The following FBXL13 variants were observed in gnomAD, a reference collection of about 807,000 sequenced individuals.
FBXL13 encodes the protein F-box and leucine-rich repeat protein 13.
A neutral mutation model predicts 83.6 loss-of-function variants in FBXL13; 67 were observed. The observed-to-expected ratio is 0.80, with a 90% CI of 0.66 to 0.98. The LOEUF is 0.98. Among genes scored for constraint, FBXL13 ranks in the 50% least tolerant of loss-of-function variants. The pLI, the probability that FBXL13 is intolerant of heterozygous loss-of-function variation, is 0.00. For synonymous variants in FBXL13, 272 were observed against 299.5 expected, an observed-to-expected ratio of 0.91 and a Z score of 0.95; for missense variants, 822 against 866.5, an observed-to-expected ratio of 0.95 and a Z score of 0.64.
chr7:102,913,149 C>A (rs376094112), exon 11 of FBXL13: 1 of 1,614,050 alleles, frequency 6.2e-7, no homozygotes, highest in Non-Finnish European at 8.5e-7. Flanking sequence ...AGTTCAGGTA[C>A]TGTAAGCCTT....
intron 6 of FBXL13, among the ~76,000 whole-genome samples, chr7:103,016,427 T>C (rs1792328427): frequency 6.6e-6 from 1 of 151,686 alleles, no homozygotes; most frequent in Non-Finnish European, 1.5e-5. Flanking sequence ...CCAACTGAGG[T>C]ACTGGGTTCA....
intron 6 of FBXL13, among the ~76,000 whole-genome samples, chr7:103,013,544 T>C (rs1791891562): frequency 6.6e-6 from 1 of 152,128 alleles, no homozygotes; most frequent in African/African-American, 2.4e-5. Flanking sequence ...TCTGGATAAA[T>C]AATGAAATTA....
intron 6 of FBXL13, among the ~76,000 whole-genome samples, chr7:103,012,371 A>G (rs1791738442): frequency 6.7e-6 from 1 of 148,192 alleles, no homozygotes; most frequent in Non-Finnish European, 1.5e-5. Context: ...TGAAACTCCA[A>G]CTCAAAAAAA....
chr7:103,039,666 A>G (rs1421249787), intron 2 of FBXL13, among the ~76,000 whole-genome samples: 3 of 152,206 alleles, frequency 2.0e-5, no homozygotes, highest in Non-Finnish European at 4.4e-5. Context: ...AGTGGGGGCC[A>G]ATATTCAACA....
intron 8 of FBXL13, among the ~76,000 whole-genome samples, chr7:102,947,735 G>A (rs10242506): frequency 0.012 from 1,794 of 151,812 alleles, 38 homozygotes; most frequent in African/African-American, 0.041. Context: ...CTACTATCCT[G>A]AGATATACCT....
chr7:103,045,932 C>G (rs151121818), intron 2 of FBXL13, among the ~76,000 whole-genome samples: 18 of 152,304 alleles, frequency 1.2e-4, no homozygotes, highest in African/African-American at 3.8e-4. Context: ...TTCAGCTCGT[C>G]TTTCCATTTG....
intron 6 of FBXL13, among the ~76,000 whole-genome samples, chr7:103,004,305 C>G (rs751888118): frequency 1.3e-4 from 20 of 152,176 alleles, no homozygotes; most frequent in Admixed American, 5.2e-4. Context: ...TGCCTCAGTT[C>G]TCACAAACAT....
intron 17 of FBXL13, among the ~76,000 whole-genome samples, chr7:102,843,313 C>G (rs865997346): frequency 8.5e-5 from 13 of 152,138 alleles, no homozygotes; most frequent in South Asian, 2.1e-4. Context: ...CGTGGTGGCG[C>G]ATGCCTGTAA....
chr7:103,048,176 C>A (rs1796462804), intron 2 of FBXL13, among the ~76,000 whole-genome samples: 1 of 152,108 alleles, frequency 6.6e-6, no homozygotes, highest in Admixed American at 6.5e-5. Context: ...TCAGAAAAGA[C>A]CATTTTAAAG....
intron 8 of FBXL13, chr7:102,933,953 A>C: frequency 6.2e-7 from 1 of 1,612,848 alleles, no homozygotes; most frequent in Non-Finnish European, 8.5e-7. Flanking sequence ...CTGCTTTTGC[A>C]AAGCGGCTGA....
Position 102,819,922 on chromosome 7 carries a change from C to T in FBXL13, c.2018+2118G>A, listed in dbSNP as rs368052132. Among the ~76,000 whole-genome samples the T allele has an allele frequency of 4.6e-5, 7 of 152,170 alleles. 1 individual carries two copies. The highest frequency in any genetic ancestry group is 4.1e-4 in the South Asian group (2 of 4,822). On this transcript the variant is annotated intron_variant, in intron 19 of 19. Transcript: ENST00000313221. ...GCTCCATAGAGCACCCGGAGCTGAT[C>T]GCAGAAAGCTGCATGCAACTAGGCC...
chr7:102,825,500 T>G (rs964458035), intron 18 of FBXL13, among the ~76,000 whole-genome samples: 1 of 152,222 alleles, frequency 6.6e-6, no homozygotes, highest in African/African-American at 2.4e-5. Flanking sequence ...TCCAGAAATG[T>G]AATATTACTA....
intron 8 of FBXL13, chr7:102,934,124 A>C (rs1819789760): frequency 1.2e-6 from 2 of 1,613,974 alleles, no homozygotes; most frequent in Non-Finnish European, 1.7e-6. Flanking sequence ...TCAAGAAAGA[A>C]AATTAGTTTA....
At chr7:102,991,647 G>A (rs552001385) in intron 6 of FBXL13, among the ~76,000 whole-genome samples, 2 of 152,266 alleles carry the variant, frequency 1.3e-5, no homozygotes, top group African/African-American at 4.8e-5. Context: ...ACCTTGTAGT[G>A]CAATAAAAGG....
chr7:102,951,847 T>C (rs1823472825), intron 8 of FBXL13, among the ~76,000 whole-genome samples: 3 of 138,774 alleles, frequency 2.2e-5, no homozygotes, highest in Non-Finnish European at 3.1e-5. Flanking sequence ...ATAAGCAAAA[T>C]AGAAAATAGA....
chr7:102,850,092 C>A (rs1203813884), intron 17 of FBXL13, among the ~76,000 whole-genome samples: 2 of 151,882 alleles, frequency 1.3e-5, no homozygotes, highest in African/African-American at 4.8e-5. Flanking sequence ...AAATACATGT[C>A]AGTTTGTAAA....
At chr7:102,942,183 C>T (rs1308930054) in intron 8 of FBXL13, 8 of 754,122 alleles carry the variant, frequency 1.1e-5, no homozygotes, top group Non-Finnish European at 1.8e-5. Context: ...TACCAAATGC[C>T]AAGCACTTTC....
Position 102,948,485 on chromosome 7 carries a change from A to G in FBXL13, c.724+15048T>C, listed in dbSNP as rs188926708. 3.7e-3 allele frequency among the ~76,000 whole-genome samples: 568 copies of G among 151,998 alleles called. 5 individuals carry two copies. Among genetic ancestry groups the G allele is most frequent in the African/African-American group, 0.014 (561 of 41,436 alleles). ...GTCGCCCAGGGTGGAGTGCAGTGGC[A>G]TGATCTCGGCTCACTGCAACTTCCA... On this transcript the variant is annotated intron_variant, in intron 8 of 19. Coordinates refer to ENST00000313221, the Ensembl canonical transcript of FBXL13.
At chr7:102,919,844 G>T (rs544127114) in intron 10 of FBXL13, among the ~76,000 whole-genome samples, 4 of 152,088 alleles carry the variant, frequency 2.6e-5, no homozygotes, top group African/African-American at 7.2e-5. Context: ...TATATTTCCA[G>T]TTATCATCAG....
Sources: gnomAD v4.1 joint callset for allele counts (sites outside exome capture counted in the v4.1 genomes callset) on GRCh38, gnomAD v4.1.1 for gene constraint, MANE v1.5 for transcripts, NCBI Gene and HGNC (gene_info 2026-07-23, HGNC 2026-07-21) for gene names.